The following RORB variants were observed in gnomAD, a reference collection of about 807,000 sequenced individuals.
RORB encodes nuclear receptor ROR-beta.
In RORB, 6 loss-of-function variants were observed where a neutral mutation model predicts 59.1. The observed-to-expected ratio is 0.10, with a 90% confidence interval of 0.06 to 0.20. The LOEUF (loss-of-function observed/expected upper bound fraction) is 0.20. RORB is among the 10% of genes least tolerant of loss of function. The pLI, the probability that RORB is intolerant of heterozygous loss-of-function variation, is 1.00. For synonymous variants in RORB, 215 were observed against 204.5 expected (o/e 1.05, Z -0.44); for missense variants, 320 against 560.5 (o/e 0.57, Z 4.33).
chr9:74,539,733 G>T (rs1826375383), intron 1 of RORB, among the ~76,000 whole-genome samples: 1 of 151,994 alleles, frequency 6.6e-6, no homozygotes, highest in Non-Finnish European at 1.5e-5. Flanking sequence ...GGGAAGACAG[G>T]GGCCAGTGAG....
intron 1 of RORB, among the ~76,000 whole-genome samples, chr9:74,520,947 G>A (rs1337733013): frequency 3.9e-5 from 6 of 152,004 alleles, no homozygotes; most frequent in African/African-American, 1.2e-4. Flanking sequence ...CCAGATCGAG[G>A]TGTTAAATTG....
rs756265351 is a variant in RORB at position 74,568,261 on chromosome 9, A to AT, written c.8-62010dup. ...ATTGGCCTAGAGCATCTATTTATGT[A>AT]TTTTTTTTTTTGAAAATAGAAACTC... On this transcript the variant is annotated intron_variant, in intron 1 of 9. Coordinates refer to ENST00000376896, the MANE Select transcript of RORB (RefSeq NM_006914.4). 9.2e-3 allele frequency among the ~76,000 whole-genome samples: 1,365 copies of AT among 147,742 alleles called. 11 individuals carry two copies. Among genetic ancestry groups the AT allele is most frequent in the Non-Finnish European group, 0.014 (937 of 66,608 alleles).
chr9:74,499,413 T>C (rs991318619), intron 1 of RORB, among the ~76,000 whole-genome samples: 1 of 151,618 alleles, frequency 6.6e-6, no homozygotes, highest in African/African-American at 2.4e-5. Flanking sequence ...GACTCAAGGG[T>C]TTGCTGGCTG....
chr9:74,634,815 T>C (rs1335446619), intron 3 of RORB, 43 bp downstream of exon 3: 5 of 1,562,000 alleles, frequency 3.2e-6, no homozygotes, highest in Non-Finnish European at 4.3e-6. Context: ...CCCTTTCAAA[T>C]GGATGCTTTG....
chr9:74,527,962 G>T (rs1310311492), intron 1 of RORB, among the ~76,000 whole-genome samples: 1 of 151,964 alleles, frequency 6.6e-6, no homozygotes, highest in African/African-American at 2.4e-5. Context: ...ATTCCAAATG[G>T]GGTTTCGGAG....
chr9:74,517,559 CTT>C (rs1043940665), intron 1 of RORB, among the ~76,000 whole-genome samples: 5 of 151,972 alleles, frequency 3.3e-5, no homozygotes, highest in African/African-American at 4.8e-5. Flanking sequence ...GATAAACAAA[CTT>C]ATATTTGAAT....
At chr9:74,551,838 T>C (rs1490456371) in intron 1 of RORB, among the ~76,000 whole-genome samples, 1 of 152,114 alleles carries the variant, frequency 6.6e-6, no homozygotes, top group Non-Finnish European at 1.5e-5. Flanking sequence ...TATTATGGAG[T>C]ACTTTTTCAC....
intron 3 of RORB, among the ~76,000 whole-genome samples, chr9:74,637,099 C>G (rs1301015398): frequency 6.6e-6 from 1 of 152,156 alleles, no homozygotes; most frequent in African/African-American, 2.4e-5. Flanking sequence ...TCTTCTGATT[C>G]AGCAAGTATT....
At chr9:74,657,292 C>T (rs1824100417) in intron 4 of RORB, among the ~76,000 whole-genome samples, 1 of 152,050 alleles carries the variant, frequency 6.6e-6, no homozygotes, top group African/African-American at 2.4e-5. Flanking sequence ...GTCTCGATCT[C>T]CTGACCTCGT....
intron 1 of RORB, among the ~76,000 whole-genome samples, chr9:74,510,249 T>C (rs930180240): frequency 4.6e-5 from 7 of 152,264 alleles, no homozygotes; most frequent in Admixed American, 4.6e-4. Flanking sequence ...ATGGGTTTCT[T>C]CCTCTTATAT....
intron 1 of RORB, among the ~76,000 whole-genome samples, chr9:74,552,934 G>A (rs899514133): frequency 6.6e-6 from 1 of 152,152 alleles, no homozygotes; most frequent in African/African-American, 2.4e-5. Context: ...AAGTGAGAGA[G>A]CATTTCAGAC....
chr9:74,549,547 GGGAAGGAAGGAAGGAAGGAAGGAA>G (rs1202590523), intron 1 of RORB, among the ~76,000 whole-genome samples: 30 of 26,660 alleles, frequency 1.1e-3, no homozygotes, highest in African/African-American at 4.0e-3. Context: ...GAGGGAGGGA[GGGAAGGAAGGAAGGAAGGAAGGAA>G]GGAAGGAAGG....
chr9:74,506,824 G>A (rs1261500992), intron 1 of RORB, among the ~76,000 whole-genome samples: 1 of 152,080 alleles, frequency 6.6e-6, no homozygotes, highest in Non-Finnish European at 1.5e-5. Context: ...TTTAAATGCT[G>A]AATATTAACT....
chr9:74,579,789 GTTTC>G (rs1222394671), intron 1 of RORB, among the ~76,000 whole-genome samples: 2 of 152,158 alleles, frequency 1.3e-5, no homozygotes, highest in Non-Finnish European at 2.9e-5. Context: ...AGTGGACAGA[GTTTC>G]TTTCTGGGAA....
chr9:74,576,057 T>C (rs1822630068), intron 1 of RORB, among the ~76,000 whole-genome samples: 1 of 152,138 alleles, frequency 6.6e-6, no homozygotes, highest in African/African-American at 2.4e-5. Context: ...TTGTGGATGT[T>C]CAATAAATAT....
chr9:74,643,629 T>G (rs926526106), intron 4 of RORB, among the ~76,000 whole-genome samples: 7 of 152,170 alleles, frequency 4.6e-5, no homozygotes, highest in African/African-American at 1.4e-4. Context: ...TTTAACACAT[T>G]ACTCTCCTGG....
At chr9:74,560,222 A>G (rs1347534491) in intron 1 of RORB, among the ~76,000 whole-genome samples, 1 of 152,174 alleles carries the variant, frequency 6.6e-6, no homozygotes, top group African/African-American at 2.4e-5. Flanking sequence ...TTTACCATAC[A>G]GCTTAGTCTA....
At chr9:74,685,348 C>T (rs989864030) in intron 9 of RORB, 115 bp from the exon 10 acceptor site, 1 of 805,702 alleles carries the variant, frequency 1.2e-6, no homozygotes, top group Non-Finnish European at 1.8e-6. Context: ...TCTTTCTGAA[C>T]ATCTTTTTCC....
chr9:74,503,333 C>T (rs1276470163), intron 1 of RORB, among the ~76,000 whole-genome samples: 1 of 151,978 alleles, frequency 6.6e-6, no homozygotes, highest in Non-Finnish European at 1.5e-5. Context: ...TCTTTGGAGG[C>T]GTCTGTTGAT....
Sources: gnomAD v4.1 joint callset for allele counts (sites outside exome capture counted in the v4.1 genomes callset) on GRCh38, gnomAD v4.1.1 for gene constraint, MANE v1.5 for transcripts, NCBI Gene and HGNC (gene_info 2026-07-23, HGNC 2026-07-21) for gene names.